Variants in COL4A4 observed in about 807,000 individuals in gnomAD.
The protein encoded by COL4A4 is collagen type IV alpha 4 chain, also known as collagen alpha-4(IV) chain.
In COL4A4, 105 loss-of-function variants were observed where a neutral mutation model predicts 192.9. That is an observed-to-expected ratio of 0.54 (90% CI 0.46 to 0.64). The LOEUF is 0.64. COL4A4 is among the 30% of genes least tolerant of loss of function. COL4A4 has a pLI of 0.00. For synonymous variants in COL4A4, 762 were observed against 769.9 expected (o/e 0.99, Z 0.17); for missense variants, 1,967 against 2,169.3 (o/e 0.91, Z 1.85).
intron 34 of COL4A4, among the ~76,000 whole-genome samples, chr2:227,049,565 A>T (rs1374905279): frequency 1.3e-5 from 2 of 152,220 alleles, no homozygotes; most frequent in Non-Finnish European, 1.5e-5. Context: ...ATAATAAAAA[A>T]CCCAATTGTA....
At position 227,031,955 on chromosome 2, in the gene COL4A4, A is replaced by G; in HGVS notation, c.3807T>C (p.Asp1269=). 1 of 1,611,492 alleles carries G rather than the reference A, an allele frequency of 6.2e-7. No individual in the cohort carries two copies. The highest frequency in any genetic ancestry group is 8.5e-7 in the Non-Finnish European group (1 of 1,177,690). ...ATGATTCTCTCATACCTCTTGGGCC[A>G]TCAGGACCAGGAGGTCCCTGATCTC... The part of the protein sequence containing the change: ...PPGDQGPPGP[D]GPRGAPGPPG... The change falls in exon 40 of 48, where the codon GAT becomes GAC. Residue 1269 remains aspartate, a synonymous_variant. Coordinates refer to ENST00000396625, the MANE Select transcript of COL4A4 (RefSeq NM_000092.5).
intron 40 of COL4A4, 46 bp downstream of exon 40, chr2:227,031,899 T>C (rs1348502909): frequency 1.5e-6 from 2 of 1,354,382 alleles, no homozygotes; most frequent in Admixed American, 1.7e-5. Flanking sequence ...GCTGGCAGCA[T>C]CTAACAAAGG....
chr2:227,047,352 T>C, intron 35 of COL4A4, 123 bp downstream of exon 35: 1 of 748,168 alleles, frequency 1.3e-6, no homozygotes, highest in Non-Finnish European at 2.4e-6. Context: ...CCGTTTTATC[T>C]ATACCTTAAT....
chr2:227,118,562 T>C, intron 7 of COL4A4, 83 bp downstream of exon 7: 3 of 1,054,254 alleles, frequency 2.8e-6, no homozygotes, highest in Non-Finnish European at 4.4e-6. Flanking sequence ...GTATTAACTC[T>C]GTTTCTTGAA....
At chr2:227,125,369 C>T (rs528590120) in intron 4 of COL4A4, among the ~76,000 whole-genome samples, 2 of 152,062 alleles carry the variant, frequency 1.3e-5, no homozygotes, top group Admixed American at 6.5e-5. Flanking sequence ...CCATCACACC[C>T]GTCTAAATTT....
rs147376687 is a variant in COL4A4, at chr2:227,025,788, A to G, written c.4090+14T>C. ...AGAGTGAGGGGAAATTACCAATTTT[A>G]TAGCAAAGCTTACCTCTGGGACCTA... On this transcript the variant is annotated intron_variant, in intron 43 of 47. Transcript: ENST00000396625. 4,856 of 1,612,244 alleles carry G rather than the reference A, an allele frequency of 3.0e-3. 6 individuals are homozygous for G. Among genetic ancestry groups the G allele is most frequent in the Non-Finnish European group, 3.6e-3 (4,201 of 1,178,548 alleles).
Position 227,006,497 on chromosome 2 carries a change from T to TA in COL4A4, c.*827dup, listed in dbSNP as rs2149707769. ...GCAATGGGGAGTCAATTTTTGTGAA[T>TA]AACTACCTTAATATTCACTAATAGC... On this transcript the variant is annotated 3_prime_UTR_variant, in exon 48 of 48. Coordinates refer to ENST00000396625, the MANE Select transcript of COL4A4 (RefSeq NM_000092.5). 1 of 152,482 alleles carries TA rather than the reference T, an allele frequency of 6.6e-6. No homozygotes were observed. Among genetic ancestry groups the TA allele is most frequent in the East Asian group, 1.9e-4 (1 of 5,188 alleles). The allele number at this position is 152,482 out of a possible 1,614,324, so 9.4% of individuals were successfully genotyped here.
intron 25 of COL4A4, among the ~76,000 whole-genome samples, chr2:227,068,615 A>T (rs1201654512): frequency 6.6e-6 from 1 of 152,150 alleles, no homozygotes; most frequent in East Asian, 1.9e-4. Flanking sequence ...AAAGACAAAA[A>T]CCACATGATT....
chr2:227,012,109 A>C, intron 45 of COL4A4, 72 bp downstream of exon 45: 1 of 1,240,952 alleles, frequency 8.1e-7, no homozygotes, highest in Non-Finnish European at 1.2e-6. Flanking sequence ...AAGCCACTTG[A>C]GAGATCAGAG....
At chr2:226,976,768 C>CGATA in the COL4A4 span, among the ~76,000 whole-genome samples, 1 of 152,138 alleles carries the variant, frequency 6.6e-6, no homozygotes. Context: ...TTGGGCCTAT[C>CGATA]GGGTAGGTGT....
At chr2:227,052,203 A>AC (rs2150193395) in intron 32 of COL4A4, 102 bp downstream of exon 32, 1 of 739,818 alleles carries the variant, frequency 1.4e-6, no homozygotes, top group Non-Finnish European at 2.4e-6. Flanking sequence ...AAAAAAAAAA[A>AC]GTCTTTTCTA....
chr2:227,022,915 G>C (rs926233794), intron 43 of COL4A4, among the ~76,000 whole-genome samples: 4 of 152,112 alleles, frequency 2.6e-5, no homozygotes, highest in African/African-American at 7.3e-5. Context: ...GGTGGGACCC[G>C]GGTGTCAGTA....
Position 227,045,031 on chromosome 2 carries a change from A to G in COL4A4, c.3290-1847T>C, listed in dbSNP as rs1417199643. Among the ~76,000 whole-genome samples the G allele has an allele frequency of 3.9e-5, 6 of 152,270 alleles. No homozygotes were observed. In the East Asian group the frequency reaches 1.2e-3, roughly 29 times the overall value. ...AGGTTTATGATTTTTAAGTTAAAAT[A>G]CTAGGTAACATCACAGGCCCCCATT... is the stretch of plus-strand genomic sequence containing the variant. On this transcript the variant is annotated intron_variant, in intron 35 of 47. Transcript: ENST00000396625.
chr2:227,127,491 G>T (rs1339512044), intron 4 of COL4A4, among the ~76,000 whole-genome samples: 1 of 152,168 alleles, frequency 6.6e-6, no homozygotes, highest in Non-Finnish European at 1.5e-5. Flanking sequence ...ATTCCTTTAG[G>T]ATTTTGTCCC....
At chr2:227,062,702 T>C (rs1041679075) in intron 25 of COL4A4, 104 bp from the exon 26 acceptor site, 3 of 805,394 alleles carry the variant, frequency 3.7e-6, no homozygotes, top group East Asian at 5.2e-5. Context: ...GTATAGTATA[T>C]GCAGAAGTCA....
chr2:227,127,335 G>A (rs1388925823), intron 4 of COL4A4, among the ~76,000 whole-genome samples: 1 of 152,192 alleles, frequency 6.6e-6, no homozygotes, highest in African/African-American at 2.4e-5. Flanking sequence ...TTGGTTCAAA[G>A]GCCAAATTGA....
chr2:226,971,738 T>G, the COL4A4 span, among the ~76,000 whole-genome samples: 3 of 152,212 alleles, frequency 2.0e-5, no homozygotes, highest in African/African-American at 7.2e-5. Flanking sequence ...TTCTTTAGAA[T>G]ACTGGACATT....
intron 40 of COL4A4, among the ~76,000 whole-genome samples, 200 bp from the exon 41 acceptor site, chr2:227,030,798 G>A (rs901669463): frequency 6.6e-6 from 1 of 152,138 alleles, no homozygotes; most frequent in African/African-American, 2.4e-5. Flanking sequence ...TGTAGATAAT[G>A]GGTTGGTAAC....
the COL4A4 span, among the ~76,000 whole-genome samples, chr2:226,973,310 C>G: frequency 6.6e-6 from 1 of 152,198 alleles, no homozygotes; most frequent in Non-Finnish European, 1.5e-5. Context: ...GAAATCATTA[C>G]TCAAAAAAAT....
Sources: allele counts gnomAD v4.1 joint callset (sites outside exome capture counted in the v4.1 genomes callset), GRCh38; gene constraint gnomAD v4.1.1; transcripts MANE v1.5; gene names NCBI Gene and HGNC (gene_info 2026-07-23, HGNC 2026-07-21).